The following SLMAP variants were observed in gnomAD, a reference collection of about 807,000 sequenced individuals.
SLMAP encodes the protein sarcolemmal membrane-associated protein.
Under a neutral mutation model 128.8 loss-of-function variants are expected in SLMAP, and 44 were observed. The ratio of observed to expected loss-of-function variants is 0.34; its 90% CI spans 0.27 to 0.44. The LOEUF is 0.44. Among genes scored for constraint, SLMAP ranks in the 20% least tolerant of loss-of-function variants. The probability of loss-of-function intolerance (pLI) is 1.00; values close to 1 mark genes in which losing one functional copy is unlikely to be tolerated. For missense variants in SLMAP, 787 were observed against 985.3 expected, an observed-to-expected ratio of 0.80 and a Z score of 2.69; for synonymous variants, 327 against 348.8, an observed-to-expected ratio of 0.94 and a Z score of 0.70.
intron 2 of SLMAP, among the ~76,000 whole-genome samples, chr3:57,802,704 C>G (rs1055534965): frequency 3.3e-5 from 5 of 152,142 alleles, no homozygotes; most frequent in African/African-American, 1.2e-4. Flanking sequence ...TAGAATCTAT[C>G]AATAGTTAAT....
chr3:57,912,387 T>A lies in SLMAP; in HGVS notation c.1706T>A (p.Leu569Ter). Reference sequence around the variant, plus strand: ...GATGGATATACTTTTGCAGCCCAATTGCAGAGGTTACACATCGATACTGAG... The same window carrying A: ...GATGGATATACTTTTGCAGCCCAATAGCAGAGGTTACACATCGATACTGAG... ...TKQIQVLQAQ[L>*]QRLHIDTENL... is the part of the protein sequence containing the mutation. Residue 569 changes from leucine to a stop codon, truncating the protein, a stop_gained, in exon 20 of 25, where the codon TTG (leucine) becomes TAG (stop). Coordinates refer to ENST00000671191, the MANE Select transcript of SLMAP (RefSeq NM_001377540.1). LOFTEE classifies it high-confidence loss of function. 1 of 1,606,278 alleles carries A rather than the reference T, an allele frequency of 6.2e-7. No individual in the cohort carries two copies. Among genetic ancestry groups the A allele is most frequent in the Non-Finnish European group, 8.5e-7 (1 of 1,173,180 alleles).
intron 2 of SLMAP, among the ~76,000 whole-genome samples, chr3:57,828,623 T>A (rs564041028): frequency 1.3e-5 from 2 of 152,118 alleles, no homozygotes; most frequent in East Asian, 3.9e-4. Context: ...TATTCTAAGG[T>A]GTTTGAAAGC....
At chr3:57,873,734 A>T (rs763852817) in intron 14 of SLMAP, among the ~76,000 whole-genome samples, 1 of 152,092 alleles carries the variant, frequency 6.6e-6, no homozygotes, top group Admixed American at 6.6e-5. Flanking sequence ...CTGCTCTTTC[A>T]TGGGCCTAGG....
chr3:57,843,088 A>G (rs1560196772), intron 4 of SLMAP, among the ~76,000 whole-genome samples: 1 of 152,174 alleles, frequency 6.6e-6, no homozygotes, highest in Non-Finnish European at 1.5e-5. Context: ...AGCTGTTTCT[A>G]TTACTGTAAA....
rs1483263851 is a variant in SLMAP at position 57,928,902 on chromosome 3, GTTCAT to G, written c.*1619_*1623del. The G allele has an allele frequency of 1.3e-5, 2 of 152,550 alleles. No individual in the cohort carries two copies. Among genetic ancestry groups the G allele is most frequent in the African/African-American group, 2.4e-5 (1 of 41,432 alleles). 9.4% of individuals were successfully genotyped at this position (152,550 alleles called of 1,614,324 possible). ...GACTTGTAGAAAATACTGTCATATA[GTTCAT>G]TTCATCATTTTCTGTTGCAGGAAGC... On this transcript the variant is annotated 3_prime_UTR_variant, in exon 25 of 25. Coordinates refer to ENST00000671191, the MANE Select transcript of SLMAP (RefSeq NM_001377540.1).
chr3:57,824,163 T>A (rs899350241), intron 2 of SLMAP, among the ~76,000 whole-genome samples: 21 of 152,198 alleles, frequency 1.4e-4, no homozygotes, highest in Middle Eastern at 6.8e-3. Context: ...AATGGCAGAT[T>A]TGAACAGGCA....
chr3:57,822,853 T>A (rs1427845173), intron 2 of SLMAP, among the ~76,000 whole-genome samples: 3 of 152,212 alleles, frequency 2.0e-5, no homozygotes, highest in African/African-American at 7.2e-5. Context: ...TCCAGGCACT[T>A]AAGGAAATCT....
At chr3:57,831,585 T>C (rs1438616731) in intron 3 of SLMAP, 55 bp downstream of exon 3, 1 of 1,214,278 alleles carries the variant, frequency 8.2e-7, no homozygotes, top group African/African-American at 1.6e-5. Flanking sequence ...TATTTAATTT[T>C]TTATTATCTT....
chr3:57,886,723 A>T (rs920699729), intron 14 of SLMAP, among the ~76,000 whole-genome samples: 2 of 152,036 alleles, frequency 1.3e-5, no homozygotes, highest in African/African-American at 4.8e-5. Context: ...AGAATACAAG[A>T]TAATTCCCCA....
chr3:57,916,991 T>G lies in SLMAP; in HGVS notation c.2224T>G (p.Leu742Val). Residue 742 changes from leucine to valine, a missense_variant, in exon 22 of 25, where the codon TTG becomes GTG. Around this residue, in one of 2 missense-constraint regions of SLMAP, gnomAD observed 715 missense variants for 843.6 expected, o/e 0.85. Coordinates refer to ENST00000671191, the MANE Select transcript of SLMAP (RefSeq NM_001377540.1). ...RKELENQVGS[L>V]KEQHLRDSAD... is the part of the protein sequence containing the mutation. Reference sequence around the variant, plus strand: ...AGAACTTGAGAATCAAGTGGGATCCTTGAAAGAACAGCATCTTCGGGATTC... The same window carrying G: ...AGAACTTGAGAATCAAGTGGGATCCGTGAAAGAACAGCATCTTCGGGATTC... The G allele has an allele frequency of 6.2e-7, 1 of 1,613,980 alleles. No homozygotes were observed. The highest frequency in any genetic ancestry group is 8.5e-7 in the Non-Finnish European group (1 of 1,179,920).
At chr3:57,829,677 G>GT (rs1372454229) in intron 2 of SLMAP, among the ~76,000 whole-genome samples, 5 of 152,144 alleles carry the variant, frequency 3.3e-5, no homozygotes, top group Non-Finnish European at 7.4e-5. Flanking sequence ...GCTAATCAAA[G>GT]TAACAGTTGG....
At chr3:57,877,645 C>T (rs2095633415) in intron 14 of SLMAP, among the ~76,000 whole-genome samples, 1 of 152,060 alleles carries the variant, frequency 6.6e-6, no homozygotes, top group Non-Finnish European at 1.5e-5. Context: ...AGTCAGCCCA[C>T]TTTCTAACAT....
At chr3:57,907,753 C>A in intron 17 of SLMAP, 131 bp from the exon 18 acceptor site, 1 of 762,894 alleles carries the variant, frequency 1.3e-6, no homozygotes, top group Non-Finnish European at 1.9e-6. Flanking sequence ...TAATTTGCTT[C>A]TAAGTTTTAT....
chr3:57,898,618 T>C (rs1373965297), intron 17 of SLMAP: 1 of 152,226 alleles, frequency 6.6e-6, no homozygotes, highest in Admixed American at 6.5e-5. Context: ...TTTGTGATTT[T>C]TGTCAGTCTG....
chr3:57,769,384 G>A (rs1190802282), intron 2 of SLMAP, among the ~76,000 whole-genome samples: 1 of 151,996 alleles, frequency 6.6e-6, no homozygotes, highest in Admixed American at 6.5e-5. Flanking sequence ...TAGTAGAGAT[G>A]GGGTTTCACC....
intron 2 of SLMAP, among the ~76,000 whole-genome samples, chr3:57,790,885 T>G (rs757377208): frequency 2.6e-5 from 4 of 152,182 alleles, no homozygotes; most frequent in Non-Finnish European, 4.4e-5. Flanking sequence ...TAAAATAATT[T>G]CAATTTTAGA....
chr3:57,904,675 G>T (rs1275154121), intron 17 of SLMAP, among the ~76,000 whole-genome samples: 1 of 152,168 alleles, frequency 6.6e-6, no homozygotes, highest in Non-Finnish European at 1.5e-5. Context: ...TTGGGAGGCC[G>T]AGGATCACTT....
chr3:57,929,199 C>T lies in SLMAP; in HGVS notation c.*1910C>T, dbSNP rs1576545641. ...GTTTGAGTTGAATATCATTGAAGTT[C>T]TTAATGCTGACTCTACTATTGGGTT... On this transcript the variant is annotated 3_prime_UTR_variant, in exon 25 of 25. Transcript: ENST00000671191. 1 of 152,556 alleles carries T rather than the reference C, an allele frequency of 6.6e-6. No individual in the cohort carries two copies. The highest frequency in any genetic ancestry group is 1.5e-5 in the Non-Finnish European group (1 of 68,000). The allele number at this position is 152,556 out of a possible 1,614,324, so 9.5% of individuals were successfully genotyped here.
At chr3:57,925,971 C>T (rs1231001525) in intron 24 of SLMAP, 37 bp downstream of exon 24, 1 of 1,432,918 alleles carries the variant, frequency 7.0e-7, no homozygotes, top group African/African-American at 1.4e-5. Context: ...TCTGTTTGTC[C>T]CCGTCACCTT....
Sources: allele counts gnomAD v4.1 joint callset (sites outside exome capture counted in the v4.1 genomes callset), GRCh38; gene constraint gnomAD v4.1.1; regional missense constraint gnomAD v4.1.1; transcripts MANE v1.5; gene names NCBI Gene and HGNC (gene_info 2026-07-23, HGNC 2026-07-21).